Variants in LRP1B observed in about 807,000 individuals in gnomAD.
LRP1B encodes the protein low-density lipoprotein receptor-related protein 1B.
Under a neutral mutation model 556.6 loss-of-function variants are expected in LRP1B, and 217 were observed. The ratio of observed to expected loss-of-function variants is 0.39; its 90% CI spans 0.35 to 0.44. The LOEUF is 0.44. Among genes scored for constraint, LRP1B ranks in the 20% least tolerant of loss-of-function variants. LRP1B has a pLI of 1.00. For synonymous variants in LRP1B, 2,047 were observed against 1,865.8 expected (o/e 1.10, Z -2.50); for missense variants, 5,053 against 5,620.8 (o/e 0.90, Z 3.23).
At chr2:141,860,158 A>C (rs1698191625) in intron 1 of LRP1B, among the ~76,000 whole-genome samples, 1 of 152,108 alleles carries the variant, frequency 6.6e-6, no homozygotes, top group African/African-American at 2.4e-5. Flanking sequence ...ACAAATTCCC[A>C]TGTGTCTGTG....
chr2:140,386,098 TATA>T (rs1683750157), intron 66 of LRP1B, 89 bp from the exon 67 acceptor site: 1 of 768,180 alleles, frequency 1.3e-6, no homozygotes, highest in Non-Finnish European at 2.2e-6. Flanking sequence ...ATCCATGGCA[TATA>T]ATGTTTCCTT....
intron 2 of LRP1B, among the ~76,000 whole-genome samples, chr2:141,515,317 A>AG (rs368179116): frequency 2.7e-4 from 40 of 150,172 alleles, no homozygotes; most frequent in East Asian, 1.4e-3. Context: ...AAAAAAAAAA[A>AG]GAAGTATCCC....
intron 2 of LRP1B, among the ~76,000 whole-genome samples, chr2:141,512,883 G>A (rs1028178142): frequency 6.6e-6 from 1 of 152,050 alleles, no homozygotes; most frequent in Admixed American, 6.6e-5. Flanking sequence ...ATCCCATACT[G>A]TGTCTTTCTA....
chr2:141,014,030 G>C (rs868617666), intron 13 of LRP1B, among the ~76,000 whole-genome samples: 1 of 151,804 alleles, frequency 6.6e-6, no homozygotes, highest in Admixed American at 6.6e-5. Context: ...CGAAAAATAC[G>C]GTTAAGAATG....
intron 53 of LRP1B, 21 bp from the exon 54 acceptor site, chr2:140,503,124 T>G: frequency 6.2e-7 from 1 of 1,610,504 alleles, no homozygotes; most frequent in East Asian, 2.2e-5. Flanking sequence ...AGAAAAAACA[T>G]TTGACTAATT....
chr2:141,005,734 T>G (rs779856260), intron 14 of LRP1B, among the ~76,000 whole-genome samples: 1 of 152,038 alleles, frequency 6.6e-6, no homozygotes, highest in Non-Finnish European at 1.5e-5. Flanking sequence ...GAATGGTATC[T>G]GTCTTCGATA....
intron 3 of LRP1B, among the ~76,000 whole-genome samples, chr2:141,332,203 A>G (rs1687679959): frequency 6.6e-6 from 1 of 151,920 alleles, no homozygotes; most frequent in African/African-American, 2.4e-5. Context: ...CCTAACACAA[A>G]TCCTGATGAC....
chr2:141,564,124 G>T (rs1686251771), intron 2 of LRP1B, among the ~76,000 whole-genome samples: 2 of 152,146 alleles, frequency 1.3e-5, no homozygotes, highest in African/African-American at 4.8e-5. Flanking sequence ...AAGATTGAGT[G>T]AAGATTTTGT....
At chr2:141,488,153 T>C (rs1683186903) in intron 2 of LRP1B, among the ~76,000 whole-genome samples, 1 of 149,768 alleles carries the variant, frequency 6.7e-6, no homozygotes, top group South Asian at 2.1e-4. Context: ...TGCATATATC[T>C]CTTGAGGCCC....
At chr2:140,608,828 T>A in intron 41 of LRP1B, among the ~76,000 whole-genome samples, 1 of 127,762 alleles carries the variant, frequency 7.8e-6, no homozygotes, top group East Asian at 1.9e-4. Flanking sequence ...AGTGATTTGT[T>A]TCTTTGTTTG....
chr2:141,829,385 A>G (rs891630208), intron 1 of LRP1B, among the ~76,000 whole-genome samples: 2 of 152,120 alleles, frequency 1.3e-5, no homozygotes, highest in African/African-American at 2.4e-5. Context: ...AAAAATATTT[A>G]AGGATGAGAT....
intron 59 of LRP1B, among the ~76,000 whole-genome samples, chr2:140,478,634 C>T (rs1688080995): frequency 6.6e-6 from 1 of 152,094 alleles, no homozygotes. Flanking sequence ...TATATAGCAT[C>T]TGAAGCAAAG....
At chr2:141,342,876 C>T (rs1688121963) in intron 3 of LRP1B, among the ~76,000 whole-genome samples, 2 of 152,122 alleles carry the variant, frequency 1.3e-5, no homozygotes, top group Admixed American at 1.3e-4. Flanking sequence ...CAGAGAACAC[C>T]ACAAAGATAT....
intron 3 of LRP1B, among the ~76,000 whole-genome samples, chr2:141,385,980 T>G (rs547786181): frequency 1.3e-5 from 2 of 152,178 alleles, no homozygotes; most frequent in Non-Finnish European, 2.9e-5. Flanking sequence ...TGATTGCTTA[T>G]CAGTAGCCTA....
intron 2 of LRP1B, among the ~76,000 whole-genome samples, chr2:141,669,965 G>A (rs1023221327): frequency 6.6e-6 from 1 of 152,190 alleles, no homozygotes; most frequent in South Asian, 2.1e-4. Context: ...ATGTTGGTCA[G>A]GCTGGTCTCG....
At chr2:140,871,821 T>C (rs2105163465) in intron 25 of LRP1B, among the ~76,000 whole-genome samples, 1 of 152,244 alleles carries the variant, frequency 6.6e-6, no homozygotes, top group Admixed American at 6.6e-5. Flanking sequence ...CTGGGTTTTG[T>C]TCCTATATCA....
intron 43 of LRP1B, among the ~76,000 whole-genome samples, chr2:140,557,351 G>A (rs1574076983): frequency 6.6e-6 from 1 of 152,078 alleles, no homozygotes; most frequent in East Asian, 1.9e-4. Flanking sequence ...TTAGAAACTT[G>A]TCTCAATTTA....
At chr2:141,976,345 T>G (rs902098977) in intron 1 of LRP1B, among the ~76,000 whole-genome samples, 5 of 152,182 alleles carry the variant, frequency 3.3e-5, no homozygotes, top group Non-Finnish European at 7.3e-5. Context: ...TTACATAAAT[T>G]TCTTTATTGC....
chr2:141,380,664 C>T (rs1559039802), intron 3 of LRP1B, among the ~76,000 whole-genome samples: 1 of 152,186 alleles, frequency 6.6e-6, no homozygotes, highest in Non-Finnish European at 1.5e-5. Context: ...CCCACAGCTT[C>T]TCTCCTCAGC....
Sources: gnomAD v4.1 joint callset for allele counts (sites outside exome capture counted in the v4.1 genomes callset) on GRCh38, gnomAD v4.1.1 for gene constraint, MANE v1.5 for transcripts, NCBI Gene and HGNC (gene_info 2026-07-23, HGNC 2026-07-21) for gene names.